Variants in ROBO1 observed in about 807,000 individuals in gnomAD.
ROBO1 encodes roundabout homolog 1.
Under a neutral mutation model 195.9 loss-of-function variants are expected in ROBO1, and 149 were observed. That is an observed-to-expected ratio of 0.76 (90% CI 0.67 to 0.87). ROBO1 has a LOEUF of 0.87. Ranked by LOEUF, ROBO1 falls within the 40% of genes least tolerant of loss-of-function variation. ROBO1 has a pLI of 0.00. For missense variants in ROBO1, 1,933 were observed against 2,068.3 expected (o/e 0.93, Z 1.27); for synonymous variants, 816 against 733.2 (o/e 1.11, Z -1.82).
chr3:79,670,413 C>CA (rs57941286), intron 1 of ROBO1, among the ~76,000 whole-genome samples: 47,038 of 151,514 alleles, frequency 0.31, 8,803 homozygotes, highest in African/African-American at 0.53. Flanking sequence ...ATCTACACAG[C>CA]AAATAATATC....
chr3:79,343,210 G>A (rs1365540456), intron 2 of ROBO1, among the ~76,000 whole-genome samples: 1 of 152,002 alleles, frequency 6.6e-6, no homozygotes, highest in Non-Finnish European at 1.5e-5. Context: ...TCTATTGTCT[G>A]GATTTATTTA....
chr3:79,420,978 C>T (rs1436169150), intron 2 of ROBO1, among the ~76,000 whole-genome samples: 4 of 152,124 alleles, frequency 2.6e-5, no homozygotes, highest in Non-Finnish European at 4.4e-5. Context: ...TCAACCTAAA[C>T]GTCCATCATT....
chr3:78,789,840 G>A (rs1386026449), intron 4 of ROBO1, among the ~76,000 whole-genome samples: 1 of 152,042 alleles, frequency 6.6e-6, no homozygotes, highest in Non-Finnish European at 1.5e-5. Flanking sequence ...TATACAACTG[G>A]CTATGCCATT....
chr3:79,026,195 G>A (rs2078199866), intron 3 of ROBO1, among the ~76,000 whole-genome samples: 2 of 152,012 alleles, frequency 1.3e-5, no homozygotes, highest in African/African-American at 4.8e-5. Flanking sequence ...TATGTGCTGT[G>A]CATACTATTC....
At chr3:78,873,051 T>G (rs1174754788) in intron 4 of ROBO1, among the ~76,000 whole-genome samples, 1 of 152,190 alleles carries the variant, frequency 6.6e-6, no homozygotes, top group East Asian at 1.9e-4. Flanking sequence ...TGTTCTTTCC[T>G]TTCTTTCCCT....
intron 3 of ROBO1, among the ~76,000 whole-genome samples, chr3:79,117,671 C>G (rs904191652): frequency 6.6e-6 from 1 of 152,192 alleles, no homozygotes; most frequent in Non-Finnish European, 1.5e-5. Context: ...CAATACCAAC[C>G]TGTAGCTGAC....
intron 2 of ROBO1, among the ~76,000 whole-genome samples, chr3:79,533,797 T>A (rs1941749653): frequency 6.6e-6 from 1 of 152,164 alleles, no homozygotes; most frequent in Non-Finnish European, 1.5e-5. Flanking sequence ...CTATCCAAGC[T>A]TCAAATCAAT....
At chr3:79,602,808 A>C (rs1944375670) in intron 1 of ROBO1, among the ~76,000 whole-genome samples, 1 of 152,010 alleles carries the variant, frequency 6.6e-6, no homozygotes, top group East Asian at 1.9e-4. Context: ...TGGAACTAAA[A>C]ATAGGTCTGT....
At chr3:79,090,059 C>T (rs993465081) in intron 3 of ROBO1, among the ~76,000 whole-genome samples, 1 of 151,900 alleles carries the variant, frequency 6.6e-6, no homozygotes. Flanking sequence ...CCTGCCTCAG[C>T]CTCCTGAGTA....
intron 19 of ROBO1, among the ~76,000 whole-genome samples, chr3:78,649,229 G>A (rs1012086236): frequency 5.3e-5 from 8 of 151,918 alleles, no homozygotes. Context: ...GGGAAAATAT[G>A]AAAGGTCCTT....
intron 8 of ROBO1, among the ~76,000 whole-genome samples, chr3:78,698,901 C>T (rs1036531658): frequency 2.0e-5 from 3 of 152,108 alleles, no homozygotes; most frequent in African/African-American, 4.8e-5. Flanking sequence ...AGTTAACAAA[C>T]GTTGGTAGTT....
At chr3:79,037,973 C>T (rs907175339) in intron 3 of ROBO1, among the ~76,000 whole-genome samples, 1 of 152,084 alleles carries the variant, frequency 6.6e-6, no homozygotes, top group Non-Finnish European at 1.5e-5. Flanking sequence ...CTCCATTGTC[C>T]TTTCATTATG....
chr3:79,762,609 A>AATACACACACACACAC (rs71631678), intron 1 of ROBO1, among the ~76,000 whole-genome samples: 3 of 146,612 alleles, frequency 2.0e-5, no homozygotes, highest in Non-Finnish European at 1.5e-5. Context: ...ATTCTGGACA[A>AATACACACACACACAC]ACACACACAC....
intron 2 of ROBO1, among the ~76,000 whole-genome samples, chr3:79,553,112 T>C (rs970399835): frequency 6.6e-5 from 10 of 152,014 alleles, no homozygotes; most frequent in African/African-American, 1.9e-4. Context: ...GAGAGCCCTA[T>C]TGAGTAAATT....
At chr3:79,410,123 C>T (rs759113514) in intron 2 of ROBO1, among the ~76,000 whole-genome samples, 16 of 152,034 alleles carry the variant, frequency 1.1e-4, no homozygotes, top group Non-Finnish European at 1.6e-4. Flanking sequence ...AAATTATTAA[C>T]GGAGTGAATG....
At chr3:79,452,415 A>G (rs998027778) in intron 2 of ROBO1, among the ~76,000 whole-genome samples, 1 of 152,060 alleles carries the variant, frequency 6.6e-6, no homozygotes, top group Non-Finnish European at 1.5e-5. Flanking sequence ...CCATGTCTCC[A>G]TATTGCATAC....
At chr3:78,904,412 T>G (rs897496724) in intron 4 of ROBO1, among the ~76,000 whole-genome samples, 1 of 152,062 alleles carries the variant, frequency 6.6e-6, no homozygotes, top group Non-Finnish European at 1.5e-5. Flanking sequence ...GACAGTTTCT[T>G]ACACTGGGAT....
At chr3:79,035,307 T>A (rs1229841425) in intron 3 of ROBO1, among the ~76,000 whole-genome samples, 1 of 152,222 alleles carries the variant, frequency 6.6e-6, no homozygotes, top group African/African-American at 2.4e-5. Flanking sequence ...CAGGCGCTAT[T>A]CATAAGTAAC....
chr3:78,860,139 GTAGA>G (rs766675007), intron 4 of ROBO1, among the ~76,000 whole-genome samples: 12,550 of 141,866 alleles, frequency 0.088, 545 homozygotes, highest in South Asian at 0.11. Context: ...AGGTAGATAG[GTAGA>G]TAGATAGATA....
Sources: allele counts gnomAD v4.1 joint callset (sites outside exome capture counted in the v4.1 genomes callset), GRCh38; gene constraint gnomAD v4.1.1; transcripts MANE v1.5; gene names NCBI Gene and HGNC (gene_info 2026-07-23, HGNC 2026-07-21).